Variants in SUMF1 observed in about 807,000 individuals in gnomAD.
SUMF1 encodes the protein sulfatase modifying factor 1.
SUMF1 carries 48 observed loss-of-function variants against 47.6 expected under a neutral mutation model. That is an observed-to-expected ratio of 1.01 (90% CI 0.80 to 1.28). SUMF1 has a LOEUF of 1.28. Ranked by LOEUF, SUMF1 falls within the 50% of genes most tolerant of loss-of-function variation. SUMF1 has a pLI of 0.00. For missense variants in SUMF1, 571 were observed against 485.4 expected, an observed-to-expected ratio of 1.18 and a Z score of -1.66; for synonymous variants, 230 against 192.1, an observed-to-expected ratio of 1.20 and a Z score of -1.63.
chr3:4,434,064 T>C (rs1192823878), intron 3 of SUMF1, among the ~76,000 whole-genome samples: 2 of 152,156 alleles, frequency 1.3e-5, no homozygotes, highest in Non-Finnish European at 2.9e-5. Context: ...TCCACTTACG[T>C]GAGGTACTTA....
chr3:4,091,332 G>A (rs1316418924), intron 8 of SUMF1, among the ~76,000 whole-genome samples: 5 of 152,016 alleles, frequency 3.3e-5, no homozygotes, highest in South Asian at 2.1e-4. Context: ...GGAATCTGAC[G>A]CCTTGAACAT....
intron 8 of SUMF1, among the ~76,000 whole-genome samples, chr3:4,335,187 G>C (rs1056977706): frequency 6.6e-5 from 10 of 152,112 alleles, no homozygotes; most frequent in Admixed American, 5.2e-4. Flanking sequence ...CTGCAGCCTA[G>C]CCATCCTCCC....
chr3:4,414,394 C>A (rs982745887), intron 6 of SUMF1, among the ~76,000 whole-genome samples: 4 of 152,322 alleles, frequency 2.6e-5, no homozygotes, highest in African/African-American at 9.6e-5. Context: ...AGCTATTTCC[C>A]TGTAGTCCAT....
intron 1 of SUMF1, among the ~76,000 whole-genome samples, chr3:4,464,757 C>T (rs1442718928): frequency 6.6e-6 from 1 of 152,162 alleles, no homozygotes; most frequent in African/African-American, 2.4e-5. Flanking sequence ...TAAGAACAGC[C>T]TCCTATGACG....
At chr3:4,233,135 A>G (rs1696338124) in intron 8 of SUMF1, among the ~76,000 whole-genome samples, 1 of 152,116 alleles carries the variant, frequency 6.6e-6, no homozygotes, top group South Asian at 2.1e-4. Flanking sequence ...AGATCCCAAA[A>G]ACAAATGGGA....
chr3:4,225,166 C>G (rs1418068266), intron 8 of SUMF1, among the ~76,000 whole-genome samples: 1 of 152,054 alleles, frequency 6.6e-6, no homozygotes, highest in African/African-American at 2.4e-5. Flanking sequence ...ACATCTCCAC[C>G]CACAGCACAT....
At chr3:4,460,329 C>T (rs1610188) in intron 1 of SUMF1, among the ~76,000 whole-genome samples, 4 of 151,922 alleles carry the variant, frequency 2.6e-5, no homozygotes, top group Admixed American at 2.0e-4. Flanking sequence ...TTTTAAACCA[C>T]GTAAATATAC....
chr3:4,406,023 T>C (rs1007383029), intron 7 of SUMF1, among the ~76,000 whole-genome samples: 1 of 152,162 alleles, frequency 6.6e-6, no homozygotes, highest in Non-Finnish European at 1.5e-5. Context: ...CCTCTGCTTC[T>C]TTTTTTCTTT....
At chr3:4,303,819 G>A in intron 8 of SUMF1, 1 of 1,373,426 alleles carries the variant, frequency 7.3e-7, no homozygotes, top group Non-Finnish European at 9.7e-7. Context: ...ACTCAAGGAG[G>A]CATCACGGGG....
intron 8 of SUMF1, among the ~76,000 whole-genome samples, chr3:4,338,490 A>T (rs745344085): frequency 6.6e-6 from 1 of 152,172 alleles, no homozygotes; most frequent in Admixed American, 6.5e-5. Flanking sequence ...CAATTCATTC[A>T]TTCATTCACA....
intron 8 of SUMF1, among the ~76,000 whole-genome samples, chr3:4,129,052 C>T (rs1449852307): frequency 6.6e-6 from 1 of 152,102 alleles, no homozygotes; most frequent in Admixed American, 6.5e-5. Context: ...CACTTTAGAC[C>T]TACTCATCCC....
At chr3:4,366,984 C>G (rs1419573450) in intron 8 of SUMF1, among the ~76,000 whole-genome samples, 2 of 152,264 alleles carry the variant, frequency 1.3e-5, no homozygotes, top group East Asian at 3.9e-4. Context: ...GAGGTCCACT[C>G]CAGACCCTGT....
At chr3:4,206,024 C>T (rs892733563) in intron 8 of SUMF1, among the ~76,000 whole-genome samples, 10 of 152,016 alleles carry the variant, frequency 6.6e-5, no homozygotes, top group Non-Finnish European at 1.3e-4. Context: ...CAGCAAGTTT[C>T]CTTCTGGTTC....
intron 8 of SUMF1, among the ~76,000 whole-genome samples, chr3:4,156,134 T>A (rs1425696865): frequency 2.0e-5 from 3 of 151,528 alleles, no homozygotes. Context: ...AGTAGCCTGG[T>A]CCTGTACATC....
intron 8 of SUMF1, among the ~76,000 whole-genome samples, chr3:4,336,420 G>C (rs1442498067): frequency 6.6e-6 from 1 of 152,122 alleles, no homozygotes; most frequent in African/African-American, 2.4e-5. Context: ...ATAAGATAAA[G>C]TAAGCATGTG....
chr3:4,220,593 C>T (rs1696039818), intron 8 of SUMF1, among the ~76,000 whole-genome samples: 1 of 151,974 alleles, frequency 6.6e-6, no homozygotes, highest in African/African-American at 2.4e-5. Flanking sequence ...AAATGGTGGT[C>T]AAGTGTTCTT....
intron 9 of SUMF1, among the ~76,000 whole-genome samples, chr3:4,041,468 G>C (rs1426125166): frequency 6.6e-6 from 1 of 152,136 alleles, no homozygotes; most frequent in Non-Finnish European, 1.5e-5. Context: ...ATACCCTTCA[G>C]AGAGCTTCAG....
At chr3:4,367,091 G>C (rs1176329664) in intron 8 of SUMF1, among the ~76,000 whole-genome samples, 1 of 152,126 alleles carries the variant, frequency 6.6e-6, no homozygotes. Flanking sequence ...TTGTCTCAGA[G>C]GAGTACCCGG....
intron 8 of SUMF1, among the ~76,000 whole-genome samples, chr3:4,322,587 G>C (rs909337673): frequency 3.3e-5 from 5 of 151,872 alleles, no homozygotes; most frequent in African/African-American, 9.7e-5. Context: ...TTGACCCTAG[G>C]AGCTCAAGGC....
Sources: gnomAD v4.1 joint callset for allele counts (sites outside exome capture counted in the v4.1 genomes callset) on GRCh38, gnomAD v4.1.1 for gene constraint, MANE v1.5 for transcripts, NCBI Gene and HGNC (gene_info 2026-07-23, HGNC 2026-07-21) for gene names.